ARHGEF17: variants seen among roughly 807,000 people sequenced by gnomAD.
ARHGEF17 encodes the protein 164 kDa Rho-specific guanine-nucleotide exchange factor.
ARHGEF17 carries 80 observed loss-of-function variants against 174.0 expected under a neutral mutation model. The observed-to-expected ratio is 0.46, with a 90% CI of 0.38 to 0.55. The LOEUF is 0.55. ARHGEF17 is among the 20% of genes least tolerant of loss of function. The pLI is 0.00. For missense variants in ARHGEF17, 2,886 were observed against 2,839.7 expected (o/e 1.02, Z -0.37); for synonymous variants, 1,311 against 1,189.1 (o/e 1.10, Z -2.11).
rs1441810503 is a variant in ARHGEF17 at position 73,368,745 on chromosome 11, AC to A, written c.*969del. The A allele has an allele frequency of 6.6e-6, 1 of 152,024 alleles. No individual in the cohort carries two copies. Among genetic ancestry groups the A allele is most frequent in the Non-Finnish European group, 1.5e-5 (1 of 67,970 alleles). 9.4% of individuals were successfully genotyped at this position (152,024 alleles called of 1,614,324 possible). ...CTCTGACCACTGAATCCGTCTCCAC[AC>A]CCCTTCTGCCAAGGGAAGCCCCTTC... On this transcript the variant is annotated 3_prime_UTR_variant, in exon 21 of 21. Coordinates refer to ENST00000263674, the MANE Select transcript of ARHGEF17 (RefSeq NM_014786.4).
chr11:73,344,072 C>T (rs1865420752), intron 1 of ARHGEF17, among the ~76,000 whole-genome samples: 1 of 152,200 alleles, frequency 6.6e-6, no homozygotes, highest in African/African-American at 2.4e-5. Context: ...CTCTGTCTTC[C>T]TGCTGTATCC....
chr11:73,360,433 C>G lies in ARHGEF17; in HGVS notation c.4320C>G (p.Ala1440=). The change falls in exon 11 of 21, where the codon GCC becomes GCG. Residue 1440 remains alanine (A), a synonymous_variant. Transcript: ENST00000263674. ...SFPPTKLELC[A]TRPEGTDSYI... is the part of the protein sequence containing the mutation. ...CGCCAACCAAGCTGGAGCTGTGCGC[C>G]ACTCGGCCCGAGGGCACCGACTCCT... 6.2e-7 allele frequency: 1 copy of G among 1,614,056 alleles called. No individual in the cohort carries two copies. Among genetic ancestry groups the G allele is most frequent in the Non-Finnish European group, 8.5e-7 (1 of 1,180,054 alleles).
At chr11:73,349,369 C>T (rs558354866) in intron 2 of ARHGEF17, among the ~76,000 whole-genome samples, 1 of 152,344 alleles carries the variant, frequency 6.6e-6, no homozygotes, top group African/African-American at 2.4e-5. Context: ...AATCCCAGCA[C>T]TTTGGGAGGC....
rs758461291 is a variant in ARHGEF17, at chr11:73,365,367, ATCT to A, written c.5551-19_5551-17del. The stretch of plus-strand genomic sequence containing the variant: ...AGGGAGGCAGGCCTGCCAATGACCC[ATCT>A]TCTCCCCCGCCTTCCCCAGCACATG... On this transcript the variant is annotated intron_variant, in intron 18 of 20. Coordinates refer to ENST00000263674, the MANE Select transcript of ARHGEF17 (RefSeq NM_014786.4). This position sits in a 1 kb window ranked among gnomAD's most constrained non-coding sequence, Gnocchi z 4.9. The A allele has an allele frequency of 3.0e-5, 49 of 1,613,300 alleles. No individual in the cohort carries two copies. The Middle Eastern group carries it at 5.0e-4, about 16-fold the overall frequency.
intron 1 of ARHGEF17, among the ~76,000 whole-genome samples, chr11:73,335,172 T>G (rs1045556239): frequency 6.6e-6 from 1 of 152,108 alleles, no homozygotes; most frequent in East Asian, 1.9e-4. Context: ...GTTGCCAGAT[T>G]TAGCAAGTCC....
In ARHGEF17 at chr11:73,357,312, G is replaced by T. The variant is rs768413337; in HGVS notation, c.4072G>T (p.Ala1358Ser). Residue 1358 changes from alanine (A) to serine (S), a missense_variant, in exon 9 of 21, where the codon GCA (alanine) becomes TCA (serine). By Grantham distance (99) the Ala-to-Ser change is moderately conservative. Transcript: ENST00000263674. ...KMLWKLPLED[A>S]DIIKGASQAT... ...GCTGTGGAAGCTGCCGCTGGAAGAC[G>T]CAGACATCATCAAAGGTGGGTTTGA... The T allele has an allele frequency of 1.9e-6, 3 of 1,613,788 alleles. No homozygotes were observed. The highest frequency in any genetic ancestry group is 2.5e-6 in the Non-Finnish European group (3 of 1,179,916).
At position 73,309,196 on chromosome 11, in the gene ARHGEF17, GC is replaced by G; in HGVS notation, c.562del (p.Leu188Ter). On this transcript the variant is annotated frameshift_variant, in exon 1 of 21. Transcript: ENST00000263674. LOFTEE classifies it high-confidence loss of function. Reference protein sequence around the residue: ...FPLAGLRSARPLTGPETEGRL... With the variant: ...FPLAGLRSARXLTGPETEGRL... Reference sequence around the variant, plus strand: ...CCCTGGCGGGTCTGCGTTCGGCGCGGCCCCTGACCGGGCCGGAGACCGAAGG... The same window carrying G: ...CCCTGGCGGGTCTGCGTTCGGCGCGGCCCTGACCGGGCCGGAGACCGAAGG... The G allele has an allele frequency of 6.3e-7, 1 of 1,592,758 alleles. No individual in the cohort carries two copies. Among genetic ancestry groups the G allele is most frequent in the Non-Finnish European group, 8.6e-7 (1 of 1,169,476 alleles).
At chr11:73,363,934 G>C in intron 16 of ARHGEF17, 101 bp downstream of exon 16, 3 of 1,320,818 alleles carry the variant, frequency 2.3e-6, no homozygotes, top group Non-Finnish European at 3.2e-6. Context: ...TCCCTCCTCT[G>C]TGTGGAGGCT....
rs758432120 is a variant in ARHGEF17, at chr11:73,310,251, C to T, written c.1613C>T (p.Thr538Ile). The part of the protein sequence containing the change: ...PGTRPTLKDL[T>I]ATLRRAKSFT... ...ACGCGCCCCACACTCAAGGACTTGACAGCCACTCTGCGGAGAGCAAAGTCA... is the reference window on the plus strand; with the variant it reads ...ACGCGCCCCACACTCAAGGACTTGATAGCCACTCTGCGGAGAGCAAAGTCA... Residue 538 changes from threonine to isoleucine, a missense_variant, in exon 1 of 21, where the codon ACA becomes ATA. By Grantham distance (89) the Thr-to-Ile change is moderately conservative (BLOSUM62 -1). This residue lies in a region of ARHGEF17 where 1,728 missense variants were observed against 1,461.2 expected (regional missense o/e 1.18). Coordinates refer to ENST00000263674, the MANE Select transcript of ARHGEF17 (RefSeq NM_014786.4). 1.4e-5 allele frequency: 23 copies of T among 1,613,970 alleles called. No homozygotes were observed. Among genetic ancestry groups the T allele is most frequent in the Non-Finnish European group, 1.7e-5 (20 of 1,180,048 alleles).
intron 3 of ARHGEF17, 141 bp downstream of exon 3, chr11:73,353,153 A>G (rs557923946): frequency 5.3e-6 from 6 of 1,124,020 alleles, no homozygotes; most frequent in East Asian, 2.6e-5. Context: ...TTGGCTAGAC[A>G]TTGGTACTTA....
chr11:73,356,973 T>G, intron 7 of ARHGEF17, 52 bp from the exon 8 acceptor site: 1 of 1,586,170 alleles, frequency 6.3e-7, no homozygotes, highest in Non-Finnish European at 8.6e-7. Flanking sequence ...GGCAGGGGGG[T>G]GGGCTTCTGG....
At chr11:73,347,732 A>G (rs1865488045) in intron 2 of ARHGEF17, among the ~76,000 whole-genome samples, 3 of 152,232 alleles carry the variant, frequency 2.0e-5, no homozygotes, top group Non-Finnish European at 4.4e-5. Context: ...GGCTTTGAGC[A>G]GGGGAGGTGT....
In ARHGEF17 at chr11:73,352,785, G is replaced by A. The variant is rs368130128; in HGVS notation, c.3271-45G>A. 6.9e-5 allele frequency: 110 copies of A among 1,605,014 alleles called. 1 individual carries two copies. The South Asian group carries it at 8.6e-4, about 13-fold the overall frequency. ...GGGGCCCTGTGTAGGTGTGGTGGGG[G>A]CGGCATCTCTGAGGGAGTGTGCACC... is the stretch of plus-strand genomic sequence containing the variant. On this transcript the variant is annotated intron_variant, in intron 2 of 20. Coordinates refer to ENST00000263674, the MANE Select transcript of ARHGEF17 (RefSeq NM_014786.4).
In ARHGEF17 at chr11:73,340,750, A is replaced by G. The variant is rs534749985; in HGVS notation, c.3193-6133A>G. On this transcript the variant is annotated intron_variant, in intron 1 of 20. Coordinates refer to ENST00000263674, the MANE Select transcript of ARHGEF17 (RefSeq NM_014786.4). Reference sequence around the variant, plus strand: ...AATGAGCCAGGGATGGGGCCTTCAGACCACCACTCTGCATGTGCTGTGGGA... The same window carrying G: ...AATGAGCCAGGGATGGGGCCTTCAGGCCACCACTCTGCATGTGCTGTGGGA... 2.6e-5 allele frequency among the ~76,000 whole-genome samples: 4 copies of G among 152,294 alleles called. No individual in the cohort carries two copies. In the South Asian group the frequency reaches 8.3e-4, roughly 32 times the overall value.
chr11:73,344,244 C>CT (rs1865423335), intron 1 of ARHGEF17, among the ~76,000 whole-genome samples: 1 of 152,122 alleles, frequency 6.6e-6, no homozygotes, highest in African/African-American at 2.4e-5. Context: ...CCTGCCTCCC[C>CT]TGTCCACCCC....
chr11:73,355,705 AG>A, intron 4 of ARHGEF17, 56 bp downstream of exon 4: 1 of 1,570,938 alleles, frequency 6.4e-7, no homozygotes, highest in African/African-American at 1.4e-5. Context: ...GCCAGCTTTG[AG>A]GGCCCCAGGA....
intron 12 of ARHGEF17, 151 bp from the exon 13 acceptor site, chr11:73,361,889 G>T: frequency 5.0e-6 from 4 of 796,200 alleles, no homozygotes; most frequent in East Asian, 2.8e-5. Flanking sequence ...GCGTGTATGT[G>T]TACGCGTGTG....
intron 1 of ARHGEF17, among the ~76,000 whole-genome samples, chr11:73,318,776 G>A (rs1382017738): frequency 1.3e-5 from 2 of 152,240 alleles, no homozygotes; most frequent in African/African-American, 2.4e-5. Flanking sequence ...CAGAGGTCTA[G>A]GTGGTGTATT....
intron 1 of ARHGEF17, among the ~76,000 whole-genome samples, chr11:73,323,217 A>C (rs1417587754): frequency 6.6e-6 from 1 of 152,074 alleles, no homozygotes; most frequent in African/African-American, 2.4e-5. Flanking sequence ...TAATGGAGGG[A>C]GCATGGAAGG....
Sources: allele counts gnomAD v4.1 joint callset (sites outside exome capture counted in the v4.1 genomes callset), GRCh38; gene constraint gnomAD v4.1.1; regional missense constraint gnomAD v4.1.1; non-coding constraint Gnocchi (gnomAD v3.1); transcripts MANE v1.5; gene names NCBI Gene and HGNC (gene_info 2026-07-23, HGNC 2026-07-21).